The following CTPS2 variants were observed in gnomAD, a reference collection of about 807,000 sequenced individuals.
The protein encoded by CTPS2 is CTP synthase II.
In CTPS2, 19 loss-of-function variants were observed where a neutral mutation model predicts 46.8. The ratio of observed to expected loss-of-function variants is 0.41; its 90% CI spans 0.28 to 0.60. The LOEUF (loss-of-function observed/expected upper bound fraction) is 0.60, where lower values mean the gene tolerates loss of function less well. Among genes scored for constraint, CTPS2 ranks in the 20% least tolerant of loss-of-function variants. The pLI is 0.35. For synonymous variants in CTPS2, 151 were observed against 165.2 expected, an observed-to-expected ratio of 0.91 and a Z score of 0.66; for missense variants, 286 against 447.6, an observed-to-expected ratio of 0.64 and a Z score of 3.26.
At position 16,609,665 on chromosome X, in the gene CTPS2, C is replaced by A; in HGVS notation, c.1567G>T (p.Val523Phe). The A allele has an allele frequency of 8.3e-7, 1 of 1,209,275 alleles. No homozygotes were observed. Among genetic ancestry groups the A allele is most frequent in the Non-Finnish European group, 1.1e-6 (1 of 894,210 alleles). Residue 523 changes from valine (V) to phenylalanine (F), a missense_variant, in exon 17 of 19, where the codon GTC becomes TTC. Transcript: ENST00000359276. Reference sequence around the variant, plus strand: ...GAAGAAAACTCAGGATGGAACTGGACACCAACAAAATAAGGATGATCTGAA... The same window carrying A: ...GAAGAAAACTCAGGATGGAACTGGAAACCAACAAAATAAGGATGATCTGAA... Reference protein sequence around the residue: ...ELANHPYFVGVQFHPEFSSRP... With the variant: ...ELANHPYFVGFQFHPEFSSRP...
At chrX:16,655,140 C>G (rs760796781) in intron 13 of CTPS2, among the ~76,000 whole-genome samples, 1 of 111,746 alleles carries the variant, frequency 8.9e-6, no homozygotes, top group South Asian at 3.8e-4. Flanking sequence ...AAGAAAAACA[C>G]TTCACAAACA....
intron 10 of CTPS2, among the ~76,000 whole-genome samples, chrX:16,671,430 C>T (rs1277208021): frequency 1.8e-5 from 2 of 109,182 alleles, no homozygotes; most frequent in South Asian, 4.0e-4. Flanking sequence ...GATTGGGACC[C>T]GTTTCTGGTA....
chrX:16,685,629 T>C (rs1330865628), intron 8 of CTPS2, among the ~76,000 whole-genome samples: 3 of 104,612 alleles, frequency 2.9e-5, no homozygotes, highest in African/African-American at 1.1e-4. Context: ...GAGGCCGAGG[T>C]GGGCGGATTA....
chrX:16,588,335 T>C lies in CTPS2; in HGVS notation c.*1482A>G, dbSNP rs1928719861. ...AAGATGGGACACTCTGCAATCTTGG[T>C]TCCCTATTTGGATCTCCTAAGGCCA... On this transcript the variant is annotated 3_prime_UTR_variant, in exon 19 of 19. Coordinates refer to ENST00000359276, the MANE Select transcript of CTPS2 (RefSeq NM_175859.3). 8.9e-6 allele frequency: 1 copy of C among 112,183 alleles called. No individual in the cohort carries two copies. Among genetic ancestry groups the C allele is most frequent in the Non-Finnish European group, 1.9e-5 (1 of 53,270 alleles). 9.2% of individuals were successfully genotyped at this position (112,183 alleles called of 1,213,427 possible).
chrX:16,660,561 G>A (rs955877149), intron 13 of CTPS2, among the ~76,000 whole-genome samples: 1 of 110,429 alleles, frequency 9.1e-6, no homozygotes, highest in Non-Finnish European at 1.9e-5. Flanking sequence ...GCCACCATGC[G>A]CAGCTAATTT....
intron 10 of CTPS2, among the ~76,000 whole-genome samples, chrX:16,671,426 G>C (rs1921730770): frequency 1.8e-5 from 2 of 109,447 alleles, no homozygotes; most frequent in Admixed American, 9.8e-5. Flanking sequence ...TCTGGATTGG[G>C]ACCCGTTTCT....
chrX:16,637,289 G>A (rs758356275), intron 14 of CTPS2, among the ~76,000 whole-genome samples: 1 of 111,239 alleles, frequency 9.0e-6, no homozygotes, highest in Non-Finnish European at 1.9e-5. Context: ...CACCATCATG[G>A]CTCACTGCAG....
chrX:16,595,018 G>A (rs921706659), intron 17 of CTPS2, among the ~76,000 whole-genome samples: 3 of 112,825 alleles, frequency 2.7e-5, no homozygotes, highest in African/African-American at 9.7e-5. Flanking sequence ...CATATGCGCC[G>A]TGAGCGCTAC....
chrX:16,651,255 T>C (rs1198589195), intron 13 of CTPS2: 7 of 701,774 alleles, frequency 1.0e-5, no homozygotes, highest in Non-Finnish European at 1.5e-5. Flanking sequence ...GGAGGACACA[T>C]GCAGGTGGGG....
chrX:16,667,865 C>T, intron 11 of CTPS2, 141 bp from the exon 12 acceptor site: 1 of 524,279 alleles, frequency 1.9e-6, no homozygotes, highest in Non-Finnish European at 3.2e-6. Context: ...TTGCTCCCTG[C>T]TGTCCTCTCA....
At chrX:16,636,467 C>T (rs1030744227) in intron 14 of CTPS2, among the ~76,000 whole-genome samples, 4 of 112,300 alleles carry the variant, frequency 3.6e-5, no homozygotes, top group African/African-American at 1.3e-4. Context: ...CATGAAATGT[C>T]CATAATGGGC....
chrX:16,694,330 C>T (rs1051114688), intron 4 of CTPS2, among the ~76,000 whole-genome samples: 3 of 110,845 alleles, frequency 2.7e-5, no homozygotes, highest in Non-Finnish European at 5.7e-5. Context: ...AGCCCTCCTA[C>T]CCTCCTTCTT....
At position 16,677,106 on chromosome X, in the gene CTPS2, G is replaced by A. The variant is rs745752108; in HGVS notation, c.1094+1256C>T. Among the ~76,000 whole-genome samples the A allele has an allele frequency of 2.7e-5, 3 of 109,555 alleles. No individual in the cohort carries two copies. In the Admixed American group the frequency reaches 3.0e-4, roughly 11 times the overall value. On this transcript the variant is annotated intron_variant, in intron 10 of 18. Coordinates refer to ENST00000359276, the MANE Select transcript of CTPS2 (RefSeq NM_175859.3). ...AGAGGGATGGGTAACGTAAAAATTG[G>A]GATCAGTATTCTAATTCTGGGCATG...
At chrX:16,635,642 C>A (rs1374667266) in intron 14 of CTPS2, among the ~76,000 whole-genome samples, 1 of 112,147 alleles carries the variant, frequency 8.9e-6, no homozygotes, top group Admixed American at 9.4e-5. Context: ...CCACTGCACT[C>A]CAACCTGGGC....
At chrX:16,663,767 G>T (rs1933047879) in intron 13 of CTPS2, among the ~76,000 whole-genome samples, 1 of 111,421 alleles carries the variant, frequency 9.0e-6, no homozygotes, top group Admixed American at 9.6e-5. Context: ...AGTGAGGTGG[G>T]GGCAAAGGAG....
intron 13 of CTPS2, among the ~76,000 whole-genome samples, chrX:16,663,060 A>T (rs1170281066): frequency 8.9e-6 from 1 of 112,352 alleles, no homozygotes; most frequent in African/African-American, 3.2e-5. Flanking sequence ...CAGAGCAAGC[A>T]CACCGAAGAC....
At chrX:16,667,872 C>A in intron 11 of CTPS2, 148 bp from the exon 12 acceptor site, 1 of 502,446 alleles carries the variant, frequency 2.0e-6, no homozygotes. Context: ...CTGCTGTCCT[C>A]TCAGAAGAAT....
intron 14 of CTPS2, among the ~76,000 whole-genome samples, chrX:16,631,180 T>A (rs1261476542): frequency 9.0e-6 from 1 of 111,112 alleles, no homozygotes; most frequent in Non-Finnish European, 1.9e-5. Flanking sequence ...GAAACCCGTC[T>A]CTACTAAAAA....
chrX:16,634,320 G>A (rs1389590146), intron 14 of CTPS2, among the ~76,000 whole-genome samples: 10 of 111,666 alleles, frequency 9.0e-5, no homozygotes, highest in Admixed American at 8.6e-4. Context: ...TCAAATCAGG[G>A]TAATTATTTT....
Sources: gnomAD v4.1 joint callset for allele counts (sites outside exome capture counted in the v4.1 genomes callset) on GRCh38, gnomAD v4.1.1 for gene constraint, MANE v1.5 for transcripts, NCBI Gene and HGNC (gene_info 2026-07-23, HGNC 2026-07-21) for gene names.